COL4A2: variants seen among roughly 807,000 people sequenced by gnomAD.
COL4A2 encodes the protein collagen alpha-2(IV) chain.
In COL4A2, 99 loss-of-function variants were observed where a neutral mutation model predicts 200.2. The observed-to-expected ratio is 0.49, with a 90% CI of 0.42 to 0.58. The LOEUF is 0.58. Ranked by LOEUF, COL4A2 falls within the 20% of genes least tolerant of loss-of-function variation. COL4A2 has a pLI of 0.00. For missense variants in COL4A2, 1,950 were observed against 2,314.1 expected (o/e 0.84, Z 3.23); for synonymous variants, 897 against 900.6 (o/e 1.00, Z 0.07).
chr13:110,472,896 T>C, intron 28 of COL4A2, 33 bp from the exon 29 acceptor site: 1 of 1,537,802 alleles, frequency 6.5e-7, no homozygotes, highest in South Asian at 1.2e-5. Flanking sequence ...CATGCTAACT[T>C]GTGGTTTGGG....
Position 110,419,709 on chromosome 13 carries a change from G to A in COL4A2, c.181-5025G>A, listed in dbSNP as rs1001155884. On this transcript the variant is annotated intron_variant, in intron 4 of 47. Coordinates refer to ENST00000360467, the MANE Select transcript of COL4A2 (RefSeq NM_001846.4). Reference sequence around the variant, plus strand: ...TGCAGCTTCCAAAACCAGCCCGGATGGCCCATGTGCGCACCAGCCATGACT... The same window carrying A: ...TGCAGCTTCCAAAACCAGCCCGGATAGCCCATGTGCGCACCAGCCATGACT... Among the ~76,000 whole-genome samples the A allele has an allele frequency of 5.9e-5, 9 of 152,220 alleles. No homozygotes were observed. The East Asian group carries it at 1.7e-3, about 29-fold the overall frequency.
intron 4 of COL4A2, among the ~76,000 whole-genome samples, chr13:110,397,675 C>T (rs762661959): frequency 3.9e-5 from 6 of 152,062 alleles, no homozygotes; most frequent in African/African-American, 7.2e-5. Flanking sequence ...ACGCAGAAAG[C>T]GATCTGAGAC....
At chr13:110,380,633 C>T (rs569830125) in intron 4 of COL4A2, among the ~76,000 whole-genome samples, 15 of 151,780 alleles carry the variant, frequency 9.9e-5, no homozygotes, top group Admixed American at 7.9e-4. Context: ...CAGGGCTCTA[C>T]GTCACACCCA....
chr13:110,488,443 A>C lies in COL4A2; in HGVS notation c.3208-1002A>C, dbSNP rs139293862. On this transcript the variant is annotated intron_variant, in intron 34 of 47. Transcript: ENST00000360467. Reference sequence around the variant, plus strand: ...ACTCTCATGCTCCCTCTGGGGAGGAAGCCACTCTGGAGGGGAAAACTAGGG... The same window carrying C: ...ACTCTCATGCTCCCTCTGGGGAGGACGCCACTCTGGAGGGGAAAACTAGGG... Among the ~76,000 whole-genome samples the C allele has an allele frequency of 5.3e-5, 8 of 152,304 alleles. No homozygotes were observed. In the East Asian group the frequency reaches 1.5e-3, roughly 29 times the overall value.
At chr13:110,351,110 G>T (rs749334755) in intron 3 of COL4A2, among the ~76,000 whole-genome samples, 3 of 151,878 alleles carry the variant, frequency 2.0e-5, no homozygotes, top group Non-Finnish European at 4.4e-5. Flanking sequence ...GTACAGTGGC[G>T]TAATCTCGGC....
intron 4 of COL4A2, among the ~76,000 whole-genome samples, chr13:110,389,066 C>T (rs1240592948): frequency 6.6e-6 from 1 of 152,140 alleles, no homozygotes; most frequent in African/African-American, 2.4e-5. Flanking sequence ...TCCTTTGTGT[C>T]TGATGTCTTT....
chr13:110,414,486 C>T (rs1049235646), intron 4 of COL4A2, among the ~76,000 whole-genome samples: 3 of 152,174 alleles, frequency 2.0e-5, no homozygotes, highest in Admixed American at 6.5e-5. Context: ...CACTTCAGAA[C>T]GATCACCCGG....
intron 3 of COL4A2, among the ~76,000 whole-genome samples, chr13:110,348,122 CCTT>C (rs1307173459): frequency 1.1e-4 from 16 of 152,260 alleles, no homozygotes; most frequent in African/African-American, 3.9e-4. Flanking sequence ...GCTCCTCCCT[CCTT>C]CTCTGAGTCT....
chr13:110,389,531 G>A (rs35926946), intron 4 of COL4A2, among the ~76,000 whole-genome samples: 1 of 152,224 alleles, frequency 6.6e-6, no homozygotes, highest in African/African-American at 2.4e-5. Flanking sequence ...CCTCCCTGCA[G>A]GAGGGCCCGG....
intron 45 of COL4A2, among the ~76,000 whole-genome samples, chr13:110,505,349 CAA>C (rs1203998407): frequency 1.5e-5 from 2 of 136,970 alleles, no homozygotes; most frequent in African/African-American, 2.7e-5. Flanking sequence ...GACTCCGTCT[CAA>C]AAAAAAAAAA....
chr13:110,450,038 T>G (rs1881478324), intron 19 of COL4A2, among the ~76,000 whole-genome samples: 1 of 152,168 alleles, frequency 6.6e-6, no homozygotes, highest in South Asian at 2.1e-4. Flanking sequence ...TGCTTCCACC[T>G]GTGGGTTGGG....
intron 4 of COL4A2, among the ~76,000 whole-genome samples, chr13:110,392,587 G>T (rs1879029925): frequency 6.6e-6 from 1 of 152,176 alleles, no homozygotes; most frequent in African/African-American, 2.4e-5. Flanking sequence ...TTGTGCAGCA[G>T]CAGATGTCCC....
At chr13:110,511,235 G>GA (rs11403645) in intron 47 of COL4A2, among the ~76,000 whole-genome samples, 16,336 of 128,366 alleles carry the variant, frequency 0.13, 990 homozygotes, top group Admixed American at 0.21. Flanking sequence ...ACTTTAAAAT[G>GA]AAAAAAAAAA....
rs1284969360 is a variant in COL4A2 at position 110,458,786 on chromosome 13, G to A, written c.1448G>A (p.Cys483Tyr). The A allele has an allele frequency of 6.2e-7, 1 of 1,614,116 alleles. No individual in the cohort carries two copies. The highest frequency in any genetic ancestry group is 8.5e-7 in the Non-Finnish European group (1 of 1,180,018). ...TCCTCTGCAGGTGACGCTGGGGAAT[G>A]CAGATGTACAGAAGGCGACGAAGCT... The part of the protein sequence containing the change: ...PKGWKGDAGE[C>Y]RCTEGDEAIK... Residue 483 changes from cysteine to tyrosine, a missense_variant, in exon 22 of 48, where the codon TGC (cysteine) becomes TAC (tyrosine). By Grantham distance (194) the Cys-to-Tyr change is radical (BLOSUM62 -2). Transcript: ENST00000360467.
chr13:110,499,714 G>T (rs1414445884), intron 40 of COL4A2, among the ~76,000 whole-genome samples: 2 of 152,184 alleles, frequency 1.3e-5, no homozygotes, highest in East Asian at 3.8e-4. Context: ...GATCCATGGG[G>T]GCTACTGAGA....
At chr13:110,507,002 C>T (rs768710880) in intron 46 of COL4A2, among the ~76,000 whole-genome samples, 29 of 152,216 alleles carry the variant, frequency 1.9e-4, no homozygotes, top group Non-Finnish European at 3.1e-4. Context: ...CTCTCCCATA[C>T]AGCCCCCCGA....
intron 4 of COL4A2, among the ~76,000 whole-genome samples, chr13:110,424,445 C>A (rs558471648): frequency 5.4e-4 from 20 of 37,188 alleles, no homozygotes; most frequent in African/African-American, 1.4e-3. Context: ...TTAAAAAGAA[C>A]CCAAATAAGT....
At position 110,339,280 on chromosome 13, in the gene COL4A2, GT is replaced by G. The variant is rs1480544098; in HGVS notation, c.100-18191del. ...GACTGAATTCTGATGGACAGTAGGTGTGGGAGGGGCAGCATGTTATCACAAT... is the reference window on the plus strand; with the variant it reads ...GACTGAATTCTGATGGACAGTAGGTGGGGAGGGGCAGCATGTTATCACAAT... On this transcript the variant is annotated intron_variant, in intron 3 of 47. Coordinates refer to ENST00000360467, the MANE Select transcript of COL4A2 (RefSeq NM_001846.4). 2.0e-5 allele frequency among the ~76,000 whole-genome samples: 3 copies of G among 152,334 alleles called. No individual in the cohort carries two copies. The East Asian group carries it at 5.8e-4, about 29-fold the overall frequency.
intron 4 of COL4A2, among the ~76,000 whole-genome samples, chr13:110,411,143 C>G (rs893616606): frequency 3.3e-5 from 5 of 152,192 alleles, no homozygotes; most frequent in African/African-American, 1.2e-4. Context: ...TTCTCAGCCA[C>G]GACAGCCTTC....
Sources: allele counts gnomAD v4.1 joint callset (sites outside exome capture counted in the v4.1 genomes callset), GRCh38; gene constraint gnomAD v4.1.1; transcripts MANE v1.5; gene names NCBI Gene and HGNC (gene_info 2026-07-23, HGNC 2026-07-21).